The following ACAP2 variants were observed in gnomAD, a reference collection of about 807,000 sequenced individuals.
ACAP2 encodes the protein ArfGAP with coiled-coil, ankyrin repeat and PH domains 2.
Under a neutral mutation model 115.8 loss-of-function variants are expected in ACAP2, and 39 were observed. The ratio of observed to expected loss-of-function variants is 0.34; its 90% confidence interval spans 0.26 to 0.44. ACAP2 has a LOEUF of 0.44. Among genes scored for constraint, ACAP2 ranks in the 20% least tolerant of loss-of-function variants. The pLI is 1.00. For synonymous variants in ACAP2, 289 were observed against 315.8 expected (o/e 0.92, Z 0.90); for missense variants, 662 against 927.6 (o/e 0.71, Z 3.72).
intron 1 of ACAP2, among the ~76,000 whole-genome samples, chr3:195,406,244 T>A (rs1359107215): frequency 6.6e-6 from 1 of 152,118 alleles, no homozygotes; most frequent in Non-Finnish European, 1.5e-5. Context: ...TTATTTTCTA[T>A]CAATAAGTCC....
At chr3:195,389,597 A>G (rs1335283707) in intron 2 of ACAP2, among the ~76,000 whole-genome samples, 5 of 152,198 alleles carry the variant, frequency 3.3e-5, no homozygotes, top group African/African-American at 1.2e-4. Flanking sequence ...AATCAAAACT[A>G]TATTTTCTGT....
At position 195,274,931 on chromosome 3, in the gene ACAP2, G is replaced by C. The variant is rs149512120; in HGVS notation, c.*4397C>G. ...CAAATCCTCTACATACTAATAAAAA[G>C]TAAATGGACTGTTGGTTATACATTC... is the stretch of plus-strand genomic sequence containing the variant. On this transcript the variant is annotated 3_prime_UTR_variant, in exon 23 of 23. Transcript: ENST00000326793. The C allele has an allele frequency of 6.6e-6, 1 of 152,602 alleles. No homozygotes were observed. Among genetic ancestry groups the C allele is most frequent in the African/African-American group, 2.4e-5 (1 of 41,426 alleles). 9.5% of individuals were successfully genotyped at this position (152,602 alleles called of 1,614,324 possible). A position where few individuals can be genotyped will look rare whatever the true frequency, so the allele number is the denominator to read the frequency against.
chr3:195,308,751 G>C (rs767204900), intron 11 of ACAP2, 35 bp downstream of exon 11: 2 of 1,536,500 alleles, frequency 1.3e-6, no homozygotes, highest in South Asian at 2.3e-5. Context: ...AACTGAAACT[G>C]GTAACTCACT....
At chr3:195,380,634 G>C (rs1163780838) in intron 4 of ACAP2, among the ~76,000 whole-genome samples, 1 of 152,072 alleles carries the variant, frequency 6.6e-6, no homozygotes, top group African/African-American at 2.4e-5. Flanking sequence ...ATATTGGTAA[G>C]TATCTAAAAA....
At chr3:195,333,300 C>T (rs1730297852) in intron 7 of ACAP2, among the ~76,000 whole-genome samples, 177 bp from the exon 8 acceptor site, 1 of 152,222 alleles carries the variant, frequency 6.6e-6, no homozygotes, top group African/African-American at 2.4e-5. Context: ...CTCCCAGGCT[C>T]AGGTGATTCT....
chr3:195,332,015 T>C (rs371260152), intron 8 of ACAP2, among the ~76,000 whole-genome samples: 2 of 150,880 alleles, frequency 1.3e-5, no homozygotes, highest in Non-Finnish European at 2.9e-5. Context: ...GCACCTGTAG[T>C]CCCAGCTACT....
At chr3:195,390,899 G>A (rs975932635) in intron 2 of ACAP2, among the ~76,000 whole-genome samples, 1 of 152,050 alleles carries the variant, frequency 6.6e-6, no homozygotes, top group African/African-American at 2.4e-5. Flanking sequence ...CAAATGGATC[G>A]GAAGCTGTCT....
At chr3:195,366,833 T>C (rs1351653499) in intron 4 of ACAP2, among the ~76,000 whole-genome samples, 1 of 151,948 alleles carries the variant, frequency 6.6e-6, no homozygotes, top group Non-Finnish European at 1.5e-5. Flanking sequence ...GCAGATACAG[T>C]CTCCGTAAAT....
chr3:195,427,100 G>A (rs1249342590), intron 1 of ACAP2, among the ~76,000 whole-genome samples: 2 of 152,160 alleles, frequency 1.3e-5, no homozygotes, highest in Non-Finnish European at 2.9e-5. Context: ...CAGTAAAAGA[G>A]GAGGATAGAA....
intron 6 of ACAP2, among the ~76,000 whole-genome samples, chr3:195,341,012 G>A (rs1466793611): frequency 6.6e-6 from 1 of 152,076 alleles, no homozygotes; most frequent in Non-Finnish European, 1.5e-5. Context: ...TTGGTTACTT[G>A]TATTTTTTCT....
At chr3:195,320,328 C>T (rs1473857164) in intron 10 of ACAP2, among the ~76,000 whole-genome samples, 2 of 152,138 alleles carry the variant, frequency 1.3e-5, no homozygotes, top group African/African-American at 4.8e-5. Flanking sequence ...CTCACTTGTC[C>T]TATTCATCTA....
At chr3:195,429,201 A>G (rs1303350719) in intron 1 of ACAP2, among the ~76,000 whole-genome samples, 2 of 152,082 alleles carry the variant, frequency 1.3e-5, no homozygotes, top group Non-Finnish European at 2.9e-5. Flanking sequence ...CAGCCTGGCC[A>G]ACATGATAAA....
intron 22 of ACAP2, among the ~76,000 whole-genome samples, chr3:195,283,258 G>T (rs1305357708): frequency 6.6e-6 from 1 of 152,092 alleles, no homozygotes; most frequent in Non-Finnish European, 1.5e-5. Flanking sequence ...AAGGGCTACT[G>T]GGACTGCCAA....
intron 4 of ACAP2, among the ~76,000 whole-genome samples, chr3:195,353,110 T>C (rs974360057): frequency 4.7e-5 from 7 of 149,646 alleles, no homozygotes; most frequent in Non-Finnish European, 8.9e-5. Context: ...GCATTGGAGC[T>C]TCCTGTTTGC....
At chr3:195,343,043 G>A (rs1341399633) in intron 5 of ACAP2, among the ~76,000 whole-genome samples, 1 of 151,218 alleles carries the variant, frequency 6.6e-6, no homozygotes, top group African/African-American at 2.4e-5. Context: ...GAATTCCTAT[G>A]TTCCTCCATT....
At chr3:195,423,622 CAAAAAAA>C (rs59649323) in intron 1 of ACAP2, among the ~76,000 whole-genome samples, 1 of 92,648 alleles carries the variant, frequency 1.1e-5, no homozygotes, top group Admixed American at 1.2e-4. Flanking sequence ...GACTCCGTCT[CAAAAAAA>C]AAAAAAAAAA....
chr3:195,432,648 G>C (rs73890825), intron 1 of ACAP2, among the ~76,000 whole-genome samples: 5,575 of 152,262 alleles, frequency 0.037, 324 homozygotes, highest in African/African-American at 0.12. Flanking sequence ...TCTTTTTCAA[G>C]ATTGTTTTGG....
chr3:195,307,881 T>C (rs1577272327), intron 11 of ACAP2, among the ~76,000 whole-genome samples: 2 of 152,286 alleles, frequency 1.3e-5, no homozygotes, highest in Middle Eastern at 3.4e-3. Context: ...ACAAACCTGC[T>C]ACCATAGAAC....
In ACAP2 at chr3:195,295,797, T is replaced by G. The variant is rs753677703; in HGVS notation, c.1583A>C (p.Lys528Thr). 4.6e-5 allele frequency: 75 copies of G among 1,613,792 alleles called. 1 individual carries two copies. Among genetic ancestry groups the G allele is most frequent in the Non-Finnish European group, 5.8e-5 (69 of 1,179,910 alleles). ...ISLSPPEQQK[K>T]FVSKSSEEKR... ...TTCTTCAGAACTTTTAGAGACAAAC[T>G]TTTTTTGCTGCTCAGGAGGTGATAA... The change falls in exon 17 of 23, where the codon AAG becomes ACG. Residue 528 changes from lysine (K) to threonine (T), a missense_variant. Around this residue, in one of 3 missense-constraint regions of ACAP2, gnomAD observed 133 missense variants for 123.1 expected, o/e 1.08. Coordinates refer to ENST00000326793, the MANE Select transcript of ACAP2 (RefSeq NM_012287.6).
Sources: gnomAD v4.1 joint callset for allele counts (sites outside exome capture counted in the v4.1 genomes callset) on GRCh38, gnomAD v4.1.1 for gene constraint, gnomAD v4.1.1 regional missense constraint, MANE v1.5 for transcripts, NCBI Gene and HGNC (gene_info 2026-07-23, HGNC 2026-07-21) for gene names.